The following TBCCD1 variants were observed in gnomAD, a reference collection of about 807,000 sequenced individuals.
TBCCD1 encodes TBCC domain containing 1.
In TBCCD1, 26 loss-of-function variants were observed where a neutral mutation model predicts 53.4. The ratio of observed to expected loss-of-function variants is 0.49; its 90% CI spans 0.36 to 0.68. TBCCD1 has a LOEUF of 0.68. Among genes scored for constraint, TBCCD1 ranks in the 30% least tolerant of loss-of-function variants. The pLI, the probability that TBCCD1 is intolerant of heterozygous loss-of-function variation, is 0.00. For synonymous variants in TBCCD1, 245 were observed against 241.7 expected (o/e 1.01, Z -0.13); for missense variants, 558 against 669.5 (o/e 0.83, Z 1.84).
rs200678022 is a variant in TBCCD1 at position 186,552,052 on chromosome 3, GA to G, written c.1545-774del. 3.3e-5 allele frequency among the ~76,000 whole-genome samples: 5 copies of G among 152,216 alleles called. No homozygotes were observed. The East Asian group carries it at 7.7e-4, about 23-fold the overall frequency. Reference sequence around the variant, plus strand: ...GTTAAGTAGTTCTAGGTGCCATGGAGAAAAATAGAGCAGGGTGAAGGAATAG... The same window carrying G: ...GTTAAGTAGTTCTAGGTGCCATGGAGAAAATAGAGCAGGGTGAAGGAATAG... On this transcript the variant is annotated intron_variant, in intron 6 of 7. Transcript: ENST00000338733.
chr3:186,556,626 G>A lies in TBCCD1; in HGVS notation c.642C>T (p.Phe214=). Residue 214 remains phenylalanine, a synonymous_variant, in exon 4 of 8, where the codon TTC becomes TTT. Coordinates refer to ENST00000338733, the MANE Select transcript of TBCCD1 (RefSeq NM_018138.5). ...CTCTACTTATTGTACCTTCAATAAG[G>A]AAGCTGAGCGCCACAACAGCTTCTC... ...VSREAVVALS[F]LIEGTISRAR... 6.2e-7 allele frequency: 1 copy of A among 1,614,166 alleles called. No homozygotes were observed. Among genetic ancestry groups the A allele is most frequent in the Non-Finnish European group, 8.5e-7 (1 of 1,180,026 alleles).
At chr3:186,553,420 T>A (rs1578966112) in intron 6 of TBCCD1, 1 of 152,194 alleles carries the variant, frequency 6.6e-6, no homozygotes, top group African/African-American at 2.4e-5. Context: ...CAGTATGATA[T>A]GGTATGACAA....
chr3:186,550,773 T>C (rs1477119313), intron 7 of TBCCD1, among the ~76,000 whole-genome samples: 1 of 152,158 alleles, frequency 6.6e-6, no homozygotes, highest in Non-Finnish European at 1.5e-5. Flanking sequence ...AATTTGTAAA[T>C]TGGTTTTTGT....
chr3:186,564,639 C>T (rs1233399566), intron 1 of TBCCD1, among the ~76,000 whole-genome samples: 1 of 152,108 alleles, frequency 6.6e-6, no homozygotes, highest in Non-Finnish European at 1.5e-5. Context: ...TGCATGAAGT[C>T]TGAGTGAGAT....
chr3:186,552,842 T>C (rs2108455357), intron 6 of TBCCD1, among the ~76,000 whole-genome samples: 1 of 152,340 alleles, frequency 6.6e-6, no homozygotes, highest in Admixed American at 6.5e-5. Flanking sequence ...ATAGATGTGT[T>C]CCTGGTGGTC....
chr3:186,568,006 T>A (rs1166952286), upstream of TBCCD1, among the ~76,000 whole-genome samples: 1 of 152,256 alleles, frequency 6.6e-6, no homozygotes, highest in Non-Finnish European at 1.5e-5. Flanking sequence ...CTGCTTTTTT[T>A]AGTTCCTTTA....
chr3:186,553,646 T>C (rs1714440751), intron 6 of TBCCD1: 1 of 152,630 alleles, frequency 6.6e-6, no homozygotes, highest in South Asian at 2.1e-4. Flanking sequence ...AGTTAGCACA[T>C]AGAAGGTGCC....
chr3:186,550,002 G>C (rs184854218), intron 7 of TBCCD1, among the ~76,000 whole-genome samples: 1 of 152,160 alleles, frequency 6.6e-6, no homozygotes, highest in African/African-American at 2.4e-5. Context: ...CGAGGTGGGC[G>C]ATGTTCAGGA....
chr3:186,563,829 C>T (rs1385566419), intron 2 of TBCCD1, among the ~76,000 whole-genome samples, 165 bp downstream of exon 2: 3 of 152,070 alleles, frequency 2.0e-5, no homozygotes, highest in East Asian at 3.8e-4. Context: ...TTTGGGAGGC[C>T]GAGGCAGGAA....
At chr3:186,552,456 G>C (rs1231729252) in intron 6 of TBCCD1, among the ~76,000 whole-genome samples, 4 of 152,264 alleles carry the variant, frequency 2.6e-5, no homozygotes, top group African/African-American at 7.2e-5. Context: ...CTCCGTAATC[G>C]TATCTCAGTT....
rs147760731 is a variant in TBCCD1 at position 186,564,062 on chromosome 3, G to A, written c.268C>T (p.Arg90Cys). 74 of 1,614,018 alleles carry A rather than the reference G, an allele frequency of 4.6e-5. No individual in the cohort carries two copies. The East Asian group carries it at 1.5e-3, about 32-fold the overall frequency. Reference sequence around the variant, plus strand: ...GACAGAACCTCAGACCATTCCAGGCGCTCCTCAGGTGTCTTCATTGAAAGA... The same window carrying A: ...GACAGAACCTCAGACCATTCCAGGCACTCCTCAGGTGTCTTCATTGAAAGA... The part of the protein sequence containing the change: ...DSLSMKTPEE[R>C]LEWSEVLSNC... The change falls in exon 2 of 8, where the codon CGC becomes TGC. Residue 90 changes from arginine to cysteine, a missense_variant. Coordinates refer to ENST00000338733, the MANE Select transcript of TBCCD1 (RefSeq NM_018138.5).
At chr3:186,567,131 AG>A (rs2108467195) in intron 1 of TBCCD1, 135 bp downstream of exon 1, 1 of 152,396 alleles carries the variant, frequency 6.6e-6, no homozygotes, top group South Asian at 2.1e-4. Flanking sequence ...ACCGGACTTC[AG>A]GAACACAGAC....
At chr3:186,551,687 T>C (rs747758064) in intron 6 of TBCCD1, among the ~76,000 whole-genome samples, 1 of 152,070 alleles carries the variant, frequency 6.6e-6, no homozygotes, top group Non-Finnish European at 1.5e-5. Flanking sequence ...AAAAATAAAA[T>C]AAATAGGCCG....
rs530767493 is a variant in TBCCD1, at chr3:186,551,204, T to C, written c.1620A>G (p.Gln540=). 155 of 1,612,946 alleles carry C rather than the reference T, an allele frequency of 9.6e-5. 1 individual carries two copies. Among genetic ancestry groups the C allele is most frequent in the Non-Finnish European group, 6.4e-5 (75 of 1,180,006 alleles). Residue 540 remains glutamine (Q), a synonymous_variant, in exon 7 of 8, where the codon CAA becomes CAG. Coordinates refer to ENST00000338733, the MANE Select transcript of TBCCD1 (RefSeq NM_018138.5). ...CAGGGGGTACAAGGCTGTCCAGCTGTTGGCGATGTCCTGTATTAATCAACC... is the reference window on the plus strand; with the variant it reads ...CAGGGGGTACAAGGCTGTCCAGCTGCTGGCGATGTCCTGTATTAATCAACC... ...YEWLINTGHR[Q]QLDSLVPPAA...
In TBCCD1 at chr3:186,554,421, C is replaced by A. The variant is rs976026570; in HGVS notation, c.1377G>T (p.Gln459His). Residue 459 changes from glutamine (Q) to histidine (H), a missense_variant, in exon 6 of 8, where the codon CAG (glutamine) becomes CAT (histidine). Coordinates refer to ENST00000338733, the MANE Select transcript of TBCCD1 (RefSeq NM_018138.5). ...CATAGAATTCACAAGGTGGTAAAAG[C>A]TGGAAGACTCTTGTGTCGCTGTTCT... Reference protein sequence around the residue: ...CRENSDTRVFQLLPPCEFYVF... With the variant: ...CRENSDTRVFHLLPPCEFYVF... The A allele has an allele frequency of 4.3e-6, 7 of 1,614,094 alleles. 1 individual carries two copies. The Admixed American group carries it at 5.0e-5, about 12-fold the overall frequency.
rs189109605 is a variant in TBCCD1, at chr3:186,555,300, A to T, written c.860-216T>A. Among the ~76,000 whole-genome samples the T allele has an allele frequency of 1.4e-3, 213 of 152,296 alleles. 2 individuals are homozygous for T. In the East Asian group the frequency reaches 0.018, roughly 13 times the overall value. On this transcript the variant is annotated intron_variant, in intron 4 of 7. Transcript: ENST00000338733. Reference sequence around the variant, plus strand: ...AATTTTCATTTTTGTTATAAAAAAAATTTTAAAACCTATAATGAATTTAAG... The same window carrying T: ...AATTTTCATTTTTGTTATAAAAAAATTTTTAAAACCTATAATGAATTTAAG...
In TBCCD1 at chr3:186,563,828, C is replaced by T. The variant is rs926679429; in HGVS notation, c.336+166G>A. 2.0e-5 allele frequency among the ~76,000 whole-genome samples: 3 copies of T among 152,118 alleles called. No homozygotes were observed. In the East Asian group the frequency reaches 5.8e-4, roughly 29 times the overall value. ...CCTGTAATCCTAACATTTTGGGAGG[C>T]CGAGGCAGGAAGACTGCTTGAAGCC... On this transcript the variant is annotated intron_variant, in intron 2 of 7. Transcript: ENST00000338733.
At chr3:186,568,211 CTG>C (rs1346113069), upstream of TBCCD1, among the ~76,000 whole-genome samples, 1 of 152,172 alleles carries the variant, frequency 6.6e-6, no homozygotes, top group Non-Finnish European at 1.5e-5. Flanking sequence ...TTGAGTACCA[CTG>C]TGTGTCTGGC....
At chr3:186,557,320 C>A (rs1714571327) in intron 3 of TBCCD1, among the ~76,000 whole-genome samples, 1 of 152,150 alleles carries the variant, frequency 6.6e-6, no homozygotes, top group Non-Finnish European at 1.5e-5. Flanking sequence ...AACTGACTTG[C>A]CTAAAATCGT....
Sources: gnomAD v4.1 joint callset for allele counts (sites outside exome capture counted in the v4.1 genomes callset) on GRCh38, gnomAD v4.1.1 for gene constraint, MANE v1.5 for transcripts, NCBI Gene and HGNC (gene_info 2026-07-23, HGNC 2026-07-21) for gene names.